The following PTCHD1 variants were observed in gnomAD, a reference collection of about 807,000 sequenced individuals.
PTCHD1 encodes the protein patched domain containing 1, also known as patched domain-containing protein 1.
In PTCHD1, 3 loss-of-function variants were observed where a neutral mutation model predicts 34.6. The observed-to-expected ratio is 0.09, with a 90% CI of 0.04 to 0.22. PTCHD1 has a LOEUF of 0.22. PTCHD1 is among the 10% of genes least tolerant of loss of function. The probability of loss-of-function intolerance (pLI) is 1.00; values close to 1 mark genes in which losing one functional copy is unlikely to be tolerated. For synonymous variants in PTCHD1, 305 were observed against 283.1 expected (o/e 1.08, Z -0.77); for missense variants, 504 against 685.5 (o/e 0.74, Z 2.96).
At chrX:23,391,843 T>G (rs896419363) in intron 2 of PTCHD1, among the ~76,000 whole-genome samples, 7 of 110,816 alleles carry the variant, frequency 6.3e-5, no homozygotes, top group African/African-American at 2.3e-4. Context: ...AAGAGACATA[T>G]GCACAAGTCT....
chrX:23,342,282 ATATATATATATATATATATATATATATAT>A (rs1467568370), intron 1 of PTCHD1, among the ~76,000 whole-genome samples: 5 of 11,440 alleles, frequency 4.4e-4, no homozygotes, highest in Admixed American at 1.8e-3. Flanking sequence ...ATATATATAT[ATATATATATATATATATATATATATATAT>A]TTTTTTTTTT....
At chrX:23,348,051 A>G (rs1304706203) in intron 1 of PTCHD1, among the ~76,000 whole-genome samples, 1 of 111,387 alleles carries the variant, frequency 9.0e-6, no homozygotes, top group Non-Finnish European at 1.9e-5. Flanking sequence ...TAAGGGCTTT[A>G]GTGGAAAAAG....
intron 1 of PTCHD1, among the ~76,000 whole-genome samples, chrX:23,342,716 A>G (rs1921375193): frequency 9.0e-6 from 1 of 110,876 alleles, no homozygotes; most frequent in Admixed American, 9.6e-5. Flanking sequence ...ATTCATTCTC[A>G]CCTTTATGAA....
At chrX:23,355,447 T>A (rs1921777112) in intron 1 of PTCHD1, among the ~76,000 whole-genome samples, 1 of 112,921 alleles carries the variant, frequency 8.9e-6, no homozygotes, top group Non-Finnish European at 1.9e-5. Flanking sequence ...TTTTTGCTCC[T>A]TTTCAACTGA....
intron 1 of PTCHD1, among the ~76,000 whole-genome samples, chrX:23,373,690 G>A (rs1922331706): frequency 8.9e-6 from 1 of 112,103 alleles, no homozygotes; most frequent in African/African-American, 3.2e-5. Context: ...CACCAAGGGA[G>A]CTAGCGTAAT....
intron 1 of PTCHD1, among the ~76,000 whole-genome samples, chrX:23,359,378 G>T (rs1921906629): frequency 9.0e-6 from 1 of 111,687 alleles, no homozygotes; most frequent in African/African-American, 3.3e-5. Flanking sequence ...CTTGTAAGTT[G>T]GATTCCTAGG....
intron 1 of PTCHD1, among the ~76,000 whole-genome samples, chrX:23,375,375 C>T (rs1280043519): frequency 1.8e-5 from 2 of 108,895 alleles, no homozygotes; most frequent in African/African-American, 6.7e-5. Context: ...CTGCAAGCTC[C>T]GCCTTCCGGG....
chrX:23,352,527 A>G (rs1921664479), intron 1 of PTCHD1, among the ~76,000 whole-genome samples: 1 of 112,122 alleles, frequency 8.9e-6, no homozygotes, highest in Non-Finnish European at 1.9e-5. Flanking sequence ...AAGAATTATT[A>G]ACTCCGAGAA....
chrX:23,359,408 C>T (rs150087404), intron 1 of PTCHD1, among the ~76,000 whole-genome samples: 15,713 of 111,176 alleles, frequency 0.14, 936 homozygotes, highest in Admixed American at 0.19. Context: ...CTCTTTGTAG[C>T]GATTGTGAAT....
At chrX:23,342,292 ATATATATATATATATATATTTTTTT>A (rs1192508533) in intron 1 of PTCHD1, among the ~76,000 whole-genome samples, 336 of 7,055 alleles carry the variant, frequency 0.048, 1 homozygote, top group African/African-American at 0.33. Flanking sequence ...ATATATATAT[ATATATATATATATATATATTTTTTT>A]TTTTTTTTTT....
rs756935656 is a variant in PTCHD1 at position 23,335,057 on chromosome X, G to A, written c.182G>A (p.Ser61Asn). The change falls in exon 1 of 3, where the codon AGC (serine) becomes AAC (asparagine). Residue 61 changes from serine (S) to asparagine (N), a missense_variant. Ser to Asn is a conservative substitution (Grantham distance 46, BLOSUM62 1). Coordinates refer to ENST00000379361, the MANE Select transcript of PTCHD1 (RefSeq NM_173495.3). ...GAGCACCTGCTGGCGCCCCAGCACAGCCTGGCCAAGATCGAGCGCAACCTC... is the reference window on the plus strand; with the variant it reads ...GAGCACCTGCTGGCGCCCCAGCACAACCTGGCCAAGATCGAGCGCAACCTC... ...SVEHLLAPQH[S>N]LAKIERNLVN... is the part of the protein sequence containing the mutation. 13 of 1,211,360 alleles carry A rather than the reference G, an allele frequency of 1.1e-5. No homozygotes were observed. Among genetic ancestry groups the A allele is most frequent in the Non-Finnish European group, 1.5e-5 (13 of 895,228 alleles).
chrX:23,387,851 T>A (rs1477106608), intron 2 of PTCHD1, among the ~76,000 whole-genome samples: 1 of 112,390 alleles, frequency 8.9e-6, no homozygotes, highest in East Asian at 2.8e-4. Context: ...ACATCTTGAA[T>A]ATGCTTTTAA....
At chrX:23,370,666 C>T (rs1601911492) in intron 1 of PTCHD1, among the ~76,000 whole-genome samples, 1 of 111,725 alleles carries the variant, frequency 9.0e-6, no homozygotes, top group East Asian at 2.8e-4. Flanking sequence ...TTCCATTGTT[C>T]TCAAGTTCAG....
Position 23,395,969 on chromosome X carries a change from A to C in PTCHD1, c.*1784A>C, listed in dbSNP as rs1922979168. On this transcript the variant is annotated 3_prime_UTR_variant, in exon 3 of 3. Transcript: ENST00000379361. Reference sequence around the variant, plus strand: ...CCTAAGACAGGGCAGTCCAATTTTCAGTATTCTCATAAGATGGCTATTACT... The same window carrying C: ...CCTAAGACAGGGCAGTCCAATTTTCCGTATTCTCATAAGATGGCTATTACT... The C allele has an allele frequency of 8.9e-6, 1 of 112,096 alleles. No individual in the cohort carries two copies. The highest frequency in any genetic ancestry group is 3.2e-5 in the African/African-American group (1 of 30,815). 9.2% of individuals were successfully genotyped at this position (112,096 alleles called of 1,213,427 possible).
rs1252033763 is a variant in PTCHD1, at chrX:23,399,568, C to T, written c.*5383C>T. 1 of 112,171 alleles carries T rather than the reference C, an allele frequency of 8.9e-6. No individual in the cohort carries two copies. The highest frequency in any genetic ancestry group is 1.9e-5 in the Non-Finnish European group (1 of 53,228). 9.2% of individuals were successfully genotyped at this position (112,171 alleles called of 1,213,427 possible). A position where few individuals can be genotyped will look rare whatever the true frequency, so the allele number is the denominator to read the frequency against. ...ATTTTGGCTAATGAGCAATCAAGAACTTTTGAACTATCTTTTCTCTAAGGA... is the reference window on the plus strand; with the variant it reads ...ATTTTGGCTAATGAGCAATCAAGAATTTTTGAACTATCTTTTCTCTAAGGA... On this transcript the variant is annotated 3_prime_UTR_variant, in exon 3 of 3. Transcript: ENST00000379361.
Position 23,403,155 on chromosome X carries a change from C to T in PTCHD1, c.*8970C>T, listed in dbSNP as rs911596932. On this transcript the variant is annotated 3_prime_UTR_variant, in exon 3 of 3. Coordinates refer to ENST00000379361, the MANE Select transcript of PTCHD1 (RefSeq NM_173495.3). The stretch of plus-strand genomic sequence containing the variant: ...TTAAGTTGCTTCCATGGCAATAGAT[C>T]GTAAGACCACAGCTTGTCAAAGTAA... 3 of 112,049 alleles carry T rather than the reference C, an allele frequency of 2.7e-5. No homozygotes were observed. Among genetic ancestry groups the T allele is most frequent in the African/African-American group, 9.7e-5 (3 of 30,865 alleles). The allele number at this position is 112,049 out of a possible 1,213,427, so 9.2% of individuals were successfully genotyped here.
At chrX:23,334,780 G>GCGCCGCTGCCGCCGC (rs1170328798), upstream of PTCHD1, 2 of 266,347 alleles carry the variant, frequency 7.5e-6, no homozygotes, top group African/African-American at 6.5e-5. Flanking sequence ...GCCGCCGCGG[G>GCGCCGCTGCCGCCGC]CGCCGCTGCC....
At position 23,392,708 on chromosome X, in the gene PTCHD1, A is replaced by C. The variant is rs1307074498; in HGVS notation, c.1190A>C (p.Glu397Ala). 8.3e-7 allele frequency: 1 copy of C among 1,211,998 alleles called. No individual in the cohort carries two copies. Among genetic ancestry groups the C allele is most frequent in the Admixed American group, 2.2e-5 (1 of 46,092 alleles). ...GGGGCCAGCCCTTTCACGAACATTG[A>C]GGCAGCCAGGATTTTCTGCTGCAAT... ...GIGASPFTNIEAARIFCCNSC... is the reference protein window; with the variant it reads ...GIGASPFTNIAAARIFCCNSC... The change falls in exon 3 of 3, where the codon GAG becomes GCG. Residue 397 changes from glutamate to alanine, a missense_variant. Coordinates refer to ENST00000379361, the MANE Select transcript of PTCHD1 (RefSeq NM_173495.3).
Position 23,361,939 on chromosome X carries a change from G to C in PTCHD1, c.352-17652G>C, listed in dbSNP as rs780064189. 3.6e-5 allele frequency among the ~76,000 whole-genome samples: 4 copies of C among 112,202 alleles called. No homozygotes were observed. The East Asian group carries it at 1.1e-3, about 31-fold the overall frequency. On this transcript the variant is annotated intron_variant, in intron 1 of 2. Transcript: ENST00000379361. ...AGTTTGGCTGGAGATGAAATTCTGG[G>C]TTGGAAATTCTCTTGTTTCAGAATG...
Sources: allele counts gnomAD v4.1 joint callset (sites outside exome capture counted in the v4.1 genomes callset), GRCh38; gene constraint gnomAD v4.1.1; transcripts MANE v1.5; gene names NCBI Gene and HGNC (gene_info 2026-07-23, HGNC 2026-07-21).